SHROOM2: variants seen among roughly 807,000 people sequenced by gnomAD.
SHROOM2 encodes the protein shroom family member 2, also known as protein Shroom2.
In SHROOM2, 33 loss-of-function variants were observed where a neutral mutation model predicts 75.9. The ratio of observed to expected loss-of-function variants is 0.43; its 90% CI spans 0.33 to 0.58. SHROOM2 has a LOEUF of 0.58. SHROOM2 is among the 20% of genes least tolerant of loss of function. SHROOM2 has a pLI of 0.04. For missense variants in SHROOM2, 1,434 were observed against 1,461.2 expected, an observed-to-expected ratio of 0.98 and a Z score of 0.30; for synonymous variants, 655 against 663.6, an observed-to-expected ratio of 0.99 and a Z score of 0.20.
chrX:9,800,867 G>A (rs2083720418), intron 1 of SHROOM2, among the ~76,000 whole-genome samples: 1 of 109,469 alleles, frequency 9.1e-6, no homozygotes, highest in Non-Finnish European at 1.9e-5. Flanking sequence ...TCACTGTGTT[G>A]CCCAGGCTGG....
chrX:9,916,966 C>T (rs1221835406), intron 5 of SHROOM2, among the ~76,000 whole-genome samples: 1 of 111,944 alleles, frequency 8.9e-6, no homozygotes, highest in African/African-American at 3.2e-5. Context: ...TTGGTGGCTA[C>T]TGGCTTCTGT....
chrX:9,857,763 G>A (rs958581792), intron 1 of SHROOM2, among the ~76,000 whole-genome samples: 1 of 110,695 alleles, frequency 9.0e-6, no homozygotes. Flanking sequence ...CCCCGCCCCC[G>A]AAATTCCAGA....
intron 1 of SHROOM2, chrX:9,819,341 C>T (rs1057167329): frequency 2.2e-5 from 11 of 493,530 alleles, no homozygotes; most frequent in Middle Eastern, 3.6e-4. Flanking sequence ...AATTAAGCGC[C>T]TTTGCAGTGT....
At chrX:9,851,631 A>ATTT (rs746554166) in intron 1 of SHROOM2, among the ~76,000 whole-genome samples, 2 of 90,724 alleles carry the variant, frequency 2.2e-5, no homozygotes, top group Non-Finnish European at 4.4e-5. Flanking sequence ...AAATTTTTGT[A>ATTT]TTTTTTTTTT....
At chrX:9,925,394 C>T (rs1211961249) in intron 5 of SHROOM2, among the ~76,000 whole-genome samples, 4 of 113,071 alleles carry the variant, frequency 3.5e-5, no homozygotes, top group Non-Finnish European at 7.5e-5. Context: ...GGCAGACCAG[C>T]TACCTGTGAT....
chrX:9,896,222 G>A lies in SHROOM2; in HGVS notation c.2314G>A (p.Val772Met), dbSNP rs148949490. 8.3e-7 allele frequency: 1 copy of A among 1,211,936 alleles called. No homozygotes were observed. Among genetic ancestry groups the A allele is most frequent in the Non-Finnish European group, 1.1e-6 (1 of 895,572 alleles). The change falls in exon 4 of 10, where the codon GTG becomes ATG. Residue 772 changes from valine to methionine, a missense_variant. Transcript: ENST00000380913. ...CTCGGAACCTGAGAAGATGAACGAG[G>A]TGGGCCTCACGAGGGGCTACAGTCC... ...SYSEPEKMNE[V>M]GLTRGYSPHQ... is the part of the protein sequence containing the mutation.
At position 9,947,054 on chromosome X, in the gene SHROOM2, C is replaced by A; in HGVS notation, c.*117C>A. On this transcript the variant is annotated 3_prime_UTR_variant, in exon 10 of 10. Transcript: ENST00000380913. ...GCCTGGAAAGAGACTTCTCCCATAG[C>A]AAAGAGGCTGTTATAAAAGCAATAA... 2 of 719,375 alleles carry A rather than the reference C, an allele frequency of 2.8e-6. No homozygotes were observed. Among genetic ancestry groups the A allele is most frequent in the Non-Finnish European group, 4.0e-6 (2 of 498,862 alleles). 59.3% of individuals were successfully genotyped at this position (719,375 alleles called of 1,213,427 possible).
At chrX:9,804,479 C>T (rs920529526) in intron 1 of SHROOM2, among the ~76,000 whole-genome samples, 2 of 112,456 alleles carry the variant, frequency 1.8e-5, no homozygotes, top group African/African-American at 3.2e-5. Context: ...AATTCATTTC[C>T]GTTGCTTGCA....
At chrX:9,800,422 C>A (rs1785933596) in intron 1 of SHROOM2, among the ~76,000 whole-genome samples, 2 of 110,731 alleles carry the variant, frequency 1.8e-5, no homozygotes, top group South Asian at 3.9e-4. Flanking sequence ...CTCACTGCAA[C>A]CTCCGCTTCC....
At chrX:9,807,120 C>T (rs937829202) in intron 1 of SHROOM2, among the ~76,000 whole-genome samples, 5 of 111,887 alleles carry the variant, frequency 4.5e-5, no homozygotes, top group Non-Finnish European at 9.4e-5. Flanking sequence ...CCCACCCATT[C>T]TGTCTGGATT....
At chrX:9,865,059 A>G (rs2084127439) in intron 1 of SHROOM2, 1 of 111,524 alleles carries the variant, frequency 9.0e-6, no homozygotes, top group Non-Finnish European at 1.9e-5. Context: ...AAGCTGCTCA[A>G]GACATATTAA....
chrX:9,943,414 G>T lies in SHROOM2; in HGVS notation c.4312-1227G>T, dbSNP rs188214896. Among the ~76,000 whole-genome samples the T allele has an allele frequency of 4.6e-3, 506 of 110,910 alleles. 3 individuals carry two copies. The highest frequency in any genetic ancestry group is 0.016 in the African/African-American group (483 of 30,488). Reference sequence around the variant, plus strand: ...TGGAATCAGGGCACGACCACTTGAAGCCAGGAGTTTGAGGCTGTAGTGCAC... The same window carrying T: ...TGGAATCAGGGCACGACCACTTGAATCCAGGAGTTTGAGGCTGTAGTGCAC... On this transcript the variant is annotated intron_variant, in intron 8 of 9. Transcript: ENST00000380913.
Position 9,947,303 on chromosome X carries a change from C to G in SHROOM2, c.*366C>G. ...TCAGATGCTGAGCCAACTGCTTGGA[C>G]AGCAGCCAGCGCGTCATGACGTGCA... On this transcript the variant is annotated 3_prime_UTR_variant, in exon 10 of 10. Coordinates refer to ENST00000380913, the MANE Select transcript of SHROOM2 (RefSeq NM_001649.4). 4.8e-6 allele frequency: 1 copy of G among 209,718 alleles called. No individual in the cohort carries two copies. Among genetic ancestry groups the G allele is most frequent in the Non-Finnish European group, 8.6e-6 (1 of 116,457 alleles). The allele number at this position is 209,718 out of a possible 1,213,427, so 17.3% of individuals were successfully genotyped here. A position where few individuals can be genotyped will look rare whatever the true frequency, so the allele number is the denominator to read the frequency against.
At chrX:9,897,571 A>G (rs2084339771) in intron 4 of SHROOM2, among the ~76,000 whole-genome samples, 1 of 2,330 alleles carries the variant, frequency 4.3e-4, no homozygotes, top group African/African-American at 1.0e-3. Context: ...AAAAAAAAAG[A>G]AAAAAAAAAC....
At chrX:9,807,396 G>T (rs2083760190) in intron 1 of SHROOM2, among the ~76,000 whole-genome samples, 2 of 112,195 alleles carry the variant, frequency 1.8e-5, no homozygotes, top group South Asian at 3.7e-4. Flanking sequence ...TTGCACAGGG[G>T]GCTGTTTCCA....
At chrX:9,833,457 A>C (rs1464333713) in intron 1 of SHROOM2, among the ~76,000 whole-genome samples, 1 of 111,374 alleles carries the variant, frequency 9.0e-6, no homozygotes, top group East Asian at 2.8e-4. Flanking sequence ...ACTTTTGTTT[A>C]AAACTATATT....
At chrX:9,901,445 C>G (rs2084365136) in intron 5 of SHROOM2, among the ~76,000 whole-genome samples, 1 of 112,054 alleles carries the variant, frequency 8.9e-6, no homozygotes, top group African/African-American at 3.2e-5. Context: ...GTCATCCTAC[C>G]CTTGAGCTGA....
At position 9,939,156 on chromosome X, in the gene SHROOM2, A is replaced by G. The variant is rs2084744417; in HGVS notation, c.4140-39A>G. ...TGGGGCAGAGGGGCTGTTTGCGTGC[A>G]CAGTCCCAGCTCATTGAAGTTCCCA... is the stretch of plus-strand genomic sequence containing the variant. On this transcript the variant is annotated intron_variant, in intron 7 of 9. Transcript: ENST00000380913. 2.6e-6 allele frequency: 3 copies of G among 1,138,490 alleles called. No individual in the cohort carries two copies. The East Asian group carries it at 9.3e-5, about 35-fold the overall frequency. The allele number at this position is 1,138,490 out of a possible 1,213,427, so 93.8% of individuals were successfully genotyped here.
intron 5 of SHROOM2, among the ~76,000 whole-genome samples, chrX:9,921,768 A>G (rs781706733): frequency 8.9e-6 from 1 of 112,121 alleles, no homozygotes; most frequent in East Asian, 2.8e-4. Flanking sequence ...TGTTGTCACA[A>G]ATGGCAAGAT....
Sources: gnomAD v4.1 joint callset for allele counts (sites outside exome capture counted in the v4.1 genomes callset) on GRCh38, gnomAD v4.1.1 for gene constraint, MANE v1.5 for transcripts, NCBI Gene and HGNC (gene_info 2026-07-23, HGNC 2026-07-21) for gene names.